CACNA1C: variants seen among roughly 807,000 people sequenced by gnomAD.
CACNA1C encodes the protein voltage-dependent L-type calcium channel subunit alpha-1C.
In CACNA1C, 30 loss-of-function variants were observed where a neutral mutation model predicts 229.0. The ratio of observed to expected loss-of-function variants is 0.13; its 90% confidence interval spans 0.10 to 0.18. CACNA1C has a LOEUF of 0.18. CACNA1C is among the 10% of genes least tolerant of loss of function. The probability of loss-of-function intolerance (pLI) is 1.00; values close to 1 mark genes in which losing one functional copy is unlikely to be tolerated. For missense variants in CACNA1C, 1,658 were observed against 2,845.0 expected, an observed-to-expected ratio of 0.58 and a Z score of 9.49; for synonymous variants, 1,114 against 1,132.5, an observed-to-expected ratio of 0.98 and a Z score of 0.33.
intron 3 of CACNA1C, among the ~76,000 whole-genome samples, chr12:2,142,007 C>T (rs2094262661): frequency 6.6e-6 from 1 of 151,276 alleles, no homozygotes; most frequent in East Asian, 1.9e-4. Context: ...TTGGGGAGCA[C>T]TGCCTCCTTG....
chr12:2,380,480 G>A (rs2098211413), intron 3 of CACNA1C, among the ~76,000 whole-genome samples: 1 of 152,170 alleles, frequency 6.6e-6, no homozygotes, highest in South Asian at 2.1e-4. Flanking sequence ...TGTTTAGGTG[G>A]TAGCAAGGAG....
At chr12:2,657,831 C>T (rs1340398809) in intron 34 of CACNA1C, among the ~76,000 whole-genome samples, 1 of 151,848 alleles carries the variant, frequency 6.6e-6, no homozygotes, top group Admixed American at 6.6e-5. Context: ...ATAGCAGTAG[C>T]AGAAGAAATA....
chr12:2,384,425 G>A (rs7961557), intron 3 of CACNA1C, among the ~76,000 whole-genome samples: 56,696 of 151,936 alleles, frequency 0.37, 10,699 homozygotes, highest in Non-Finnish European at 0.39. Context: ...TGAGCCTAGA[G>A]TCCATGAAGG....
chr12:2,075,310 G>T (rs2062799357), intron 1 of CACNA1C, among the ~76,000 whole-genome samples: 1 of 152,116 alleles, frequency 6.6e-6, no homozygotes, highest in Admixed American at 6.5e-5. Flanking sequence ...GCTCCTGGTG[G>T]GCACTAATCT....
intron 1 of CACNA1C, among the ~76,000 whole-genome samples, chr12:2,061,592 C>T (rs1488926058): frequency 6.6e-6 from 1 of 152,164 alleles, no homozygotes; most frequent in Non-Finnish European, 1.5e-5. Context: ...CATGGGGATG[C>T]AGGGTATCCG....
At chr12:2,214,355 A>G (rs1352213840) in intron 3 of CACNA1C, among the ~76,000 whole-genome samples, 1 of 152,190 alleles carries the variant, frequency 6.6e-6, no homozygotes, top group Admixed American at 6.5e-5. Context: ...GGATAGTAAT[A>G]GTACCTACCT....
rs151082710 is a variant in CACNA1C, at chr12:2,410,629, C to CTG, written c.478-38330_478-38329dup. Among the ~76,000 whole-genome samples the CTG allele has an allele frequency of 3.3e-3, 480 of 147,306 alleles. 7 individuals are homozygous for CTG. The highest frequency in any genetic ancestry group is 0.01 in the African/African-American group (414 of 39,476). On this transcript the variant is annotated intron_variant, in intron 3 of 46. Transcript: ENST00000399655. This position sits in a 1 kb window ranked among gnomAD's most constrained non-coding sequence, Gnocchi z 5.3. ...GACTCTAGCTGTGAGGATGGCTCGC[C>CTG]TGTGTGTGTGTGTGTGTGCATGCGT...
At chr12:2,269,286 T>A (rs907552979) in intron 3 of CACNA1C, among the ~76,000 whole-genome samples, 3 of 152,118 alleles carry the variant, frequency 2.0e-5, no homozygotes, top group Non-Finnish European at 4.4e-5. Context: ...CTGAAAGAAA[T>A]CACCTAGGTT....
intron 38 of CACNA1C, chr12:2,674,336 G>C: frequency 1.4e-6 from 1 of 700,624 alleles, no homozygotes; most frequent in Non-Finnish European, 2.3e-6. Flanking sequence ...AGGGAAGGGG[G>C]AAGGAAGGAA....
chr12:2,635,921 T>C (rs952582804), intron 30 of CACNA1C, among the ~76,000 whole-genome samples: 11 of 152,198 alleles, frequency 7.2e-5, no homozygotes, highest in Admixed American at 2.6e-4. Flanking sequence ...CAGTAAATCC[T>C]CAGATCATTT....
At chr12:2,213,319 T>G (rs993989544) in intron 3 of CACNA1C, among the ~76,000 whole-genome samples, 1 of 152,144 alleles carries the variant, frequency 6.6e-6, no homozygotes, top group Admixed American at 6.5e-5. Context: ...TGCTGCTTGT[T>G]GCTGGCCTTC....
chr12:2,596,146 G>C, intron 20 of CACNA1C, 143 bp downstream of exon 20: 1 of 811,972 alleles, frequency 1.2e-6, no homozygotes, highest in Non-Finnish European at 1.8e-6. Flanking sequence ...CATTAAGAGA[G>C]TAGGGCTTTG....
chr12:2,004,449 CATAGG>C, intron 1 of CACNA1C: 1 of 1,599,262 alleles, frequency 6.3e-7, no homozygotes, highest in Non-Finnish European at 8.5e-7. Flanking sequence ...CCCTCCCAGA[CATAGG>C]CACGGGGCTC....
chr12:2,683,833 G>A (rs887372937), intron 43 of CACNA1C, among the ~76,000 whole-genome samples: 1 of 152,228 alleles, frequency 6.6e-6, no homozygotes, highest in African/African-American at 2.4e-5. Flanking sequence ...ACAGTGAAGC[G>A]TGGCCAGGCA....
At chr12:2,389,206 T>C (rs1262475742) in intron 3 of CACNA1C, among the ~76,000 whole-genome samples, 1 of 152,028 alleles carries the variant, frequency 6.6e-6, no homozygotes, top group African/African-American at 2.4e-5. Context: ...TTCTTGCTGA[T>C]AGGAGAGGTC....
intron 18 of CACNA1C, among the ~76,000 whole-genome samples, chr12:2,593,006 A>G (rs2066159824): frequency 6.6e-6 from 1 of 152,026 alleles, no homozygotes; most frequent in Admixed American, 6.6e-5. Flanking sequence ...CCTACTTACA[A>G]TCCCCCTTAT....
chr12:2,107,028 GT>G (rs1416001056), intron 1 of CACNA1C, among the ~76,000 whole-genome samples: 1 of 104,326 alleles, frequency 9.6e-6, no homozygotes, highest in African/African-American at 3.3e-5. Flanking sequence ...CCCCGGGGAG[GT>G]TTTCCACCTC....
chr12:2,200,464 G>A (rs1243199604), intron 3 of CACNA1C, among the ~76,000 whole-genome samples: 1 of 152,118 alleles, frequency 6.6e-6, no homozygotes, highest in Non-Finnish European at 1.5e-5. Flanking sequence ...CAGGGAAGCC[G>A]CTAAACATCC....
At chr12:2,169,312 AT>A (rs1191529680) in intron 3 of CACNA1C, among the ~76,000 whole-genome samples, 2 of 152,116 alleles carry the variant, frequency 1.3e-5, no homozygotes, top group African/African-American at 4.8e-5. Flanking sequence ...TGACTAAATG[AT>A]ATTGTCTTAT....
Sources: allele counts gnomAD v4.1 joint callset (sites outside exome capture counted in the v4.1 genomes callset), GRCh38; gene constraint gnomAD v4.1.1; non-coding constraint Gnocchi (gnomAD v3.1); transcripts MANE v1.5; gene names NCBI Gene and HGNC (gene_info 2026-07-23, HGNC 2026-07-21).